The following TRPV6 variants were observed in gnomAD, a reference collection of about 807,000 sequenced individuals.
TRPV6 encodes Alu-binding protein with zinc finger domain.
A neutral mutation model predicts 79.0 loss-of-function variants in TRPV6; 39 were observed. The observed-to-expected ratio is 0.49, with a 90% confidence interval of 0.38 to 0.64. The LOEUF is 0.64. TRPV6 is among the 30% of genes least tolerant of loss of function. The pLI is 0.00. For missense variants in TRPV6, 813 were observed against 1,011.1 expected (o/e 0.80, Z 2.66); for synonymous variants, 373 against 391.9 (o/e 0.95, Z 0.57).
rs889817832 is a variant in TRPV6 at position 142,874,614 on chromosome 7, C to T, written c.1449G>A (p.Arg483=). The change falls in exon 11 of 15, where the codon CGG becomes CGA. Residue 483 remains arginine, a synonymous_variant. Transcript: ENST00000359396. ...CCACCTCCCCGCTGGCACTGATGAG[C>T]CGCATCACCATGGTCACCAGCACCA... 4 of 1,614,114 alleles carry T rather than the reference C, an allele frequency of 2.5e-6. No individual in the cohort carries two copies. The highest frequency in any genetic ancestry group is 1.6e-4 in the Middle Eastern group (1 of 6,062).
At chr7:142,882,969 C>T (rs1456055602) in intron 1 of TRPV6, 2 of 152,300 alleles carry the variant, frequency 1.3e-5, no homozygotes, top group East Asian at 3.9e-4. Context: ...GAAATCAGAT[C>T]TCACACTTCC....
intron 4 of TRPV6, 86 bp from the exon 5 acceptor site, chr7:142,876,923 C>T (rs1795087819): frequency 5.2e-6 from 8 of 1,544,344 alleles, no homozygotes; most frequent in South Asian, 4.7e-5. Flanking sequence ...GCCTTATCTT[C>T]CCCCACATCT....
In TRPV6 at chr7:142,875,671, T is replaced by C. The variant is rs1795048501; in HGVS notation, c.1039A>G (p.Ile347Val). The change falls in exon 8 of 15, where the codon ATC becomes GTC. Residue 347 changes from isoleucine to valine, a missense_variant. By Grantham distance (29) the Ile-to-Val change is conservative. This residue lies in a region of TRPV6 where 555 missense variants were observed against 631.0 expected (regional missense o/e 0.88). Coordinates refer to ENST00000359396, the MANE Select transcript of TRPV6 (RefSeq NM_018646.6). ...TCCTTCACCGGCGTCTGGTCCAGGA[T>C]CTGGCGAGCCTGCAACAGAAAGAGA... 9 of 1,611,908 alleles carry C rather than the reference T, an allele frequency of 5.6e-6. No individual in the cohort carries two copies. Among genetic ancestry groups the C allele is most frequent in the Non-Finnish European group, 7.6e-6 (9 of 1,179,148 alleles).
intron 3 of TRPV6, 121 bp from the exon 4 acceptor site, chr7:142,877,400 C>T (rs937891587): frequency 7.3e-6 from 11 of 1,516,834 alleles, no homozygotes; most frequent in South Asian, 3.9e-5. Context: ...AGGGAGCTCT[C>T]GGGTGTTCAG....
intron 3 of TRPV6, 152 bp from the exon 4 acceptor site, chr7:142,877,431 G>T: frequency 2.0e-6 from 3 of 1,470,016 alleles, no homozygotes; most frequent in Non-Finnish European, 2.7e-6. Flanking sequence ...GGATCCAGCT[G>T]CTGCCCATCT....
intron 6 of TRPV6, 99 bp from the exon 7 acceptor site, chr7:142,876,003 G>C: frequency 7.3e-7 from 1 of 1,366,076 alleles, no homozygotes; most frequent in Non-Finnish European, 9.9e-7. Context: ...CCCTGGAGAA[G>C]GTGGCTGCCC....
Position 142,885,381 on chromosome 7 carries a change from G to A in TRPV6, c.248+8C>T, listed in dbSNP as rs375294723. The A allele has an allele frequency of 2.2e-5, 36 of 1,609,982 alleles. No individual in the cohort carries two copies. The African/African-American group carries it at 4.8e-4, about 21-fold the overall frequency. On this transcript the variant is annotated splice_region_variant and intron_variant, in intron 1 of 14. Coordinates refer to ENST00000359396, the MANE Select transcript of TRPV6 (RefSeq NM_018646.6). ...GGTGGGGAAGGGAGCAGACCAAGGG[G>A]GCCTTACCTCTTCTGCTGCAGCAGG...
chr7:142,872,311 G>C, intron 14 of TRPV6, 61 bp downstream of exon 14: 2 of 1,561,230 alleles, frequency 1.3e-6, no homozygotes, highest in Non-Finnish European at 1.8e-6. Flanking sequence ...AGCTGTCTGA[G>C]CAGGGGGATA....
At chr7:142,875,293 C>T (rs1795034759) in intron 8 of TRPV6, 129 bp from the exon 9 acceptor site, 2 of 1,293,100 alleles carry the variant, frequency 1.5e-6, no homozygotes, top group Admixed American at 3.9e-5. Flanking sequence ...TTCTCAAACT[C>T]TGCTCTCAGA....
At position 142,875,089 on chromosome 7, in the gene TRPV6, GGAT is replaced by G; in HGVS notation, c.1315_1317del (p.Ile439del). 6.2e-7 allele frequency: 1 copy of G among 1,614,142 alleles called. No individual in the cohort carries two copies. Among genetic ancestry groups the G allele is most frequent in the Non-Finnish European group, 8.5e-7 (1 of 1,180,026 alleles). The stretch of plus-strand genomic sequence containing the variant: ...CATCCACACCTCACCTCTACCAGCA[GGAT>G]GATGATAGCCCCAATGACAGTCACC... On this transcript the variant is annotated inframe_deletion, in exon 9 of 15. Coordinates refer to ENST00000359396, the MANE Select transcript of TRPV6 (RefSeq NM_018646.6).
At chr7:142,872,546 G>T in intron 13 of TRPV6, 68 bp from the exon 14 acceptor site, 1 of 1,495,106 alleles carries the variant, frequency 6.7e-7, no homozygotes, top group Non-Finnish European at 9.1e-7. Flanking sequence ...GGGTAGGGCA[G>T]CCTTTGTTGA....
intron 11 of TRPV6, 138 bp downstream of exon 11, chr7:142,874,353 T>C: frequency 6.9e-6 from 9 of 1,301,786 alleles, no homozygotes; most frequent in Non-Finnish European, 9.8e-6. Context: ...AAAGGATTGT[T>C]AAAAAAGAAG....
At position 142,875,141 on chromosome 7, in the gene TRPV6, G is replaced by A. The variant is rs777705830; in HGVS notation, c.1266C>T (p.Asp422=). Residue 422 remains aspartate, a synonymous_variant, in exon 9 of 15, where the codon GAC becomes GAT. Transcript: ENST00000359396. ...CCAGCTCCCCGACCAGCCGGATATC[G>A]TCCTTAGGGGTCATGTAGGCTTCCT... The A allele has an allele frequency of 2.8e-5, 45 of 1,614,038 alleles. No homozygotes were observed. The highest frequency in any genetic ancestry group is 3.0e-5 in the Non-Finnish European group (35 of 1,180,002).
At chr7:142,878,105 T>G in intron 1 of TRPV6, 79 bp from the exon 2 acceptor site, 1 of 1,190,802 alleles carries the variant, frequency 8.4e-7, no homozygotes, top group Non-Finnish European at 1.2e-6. Flanking sequence ...CTTGACTCCA[T>G]TATTATACAC....
chr7:142,881,058 C>T (rs889163558), intron 1 of TRPV6: 4 of 152,104 alleles, frequency 2.6e-5, no homozygotes, highest in Non-Finnish European at 5.9e-5. Flanking sequence ...GGTATCCGGC[C>T]CAGCCATTAC....
rs961057532 is a variant in TRPV6 at position 142,875,492 on chromosome 7, G to C, written c.1218C>G (p.Thr406=). The C allele has an allele frequency of 1.9e-6, 3 of 1,593,674 alleles. No individual in the cohort carries two copies. Among genetic ancestry groups the C allele is most frequent in the Non-Finnish European group, 2.6e-6 (3 of 1,171,356 alleles). Residue 406 remains threonine, a synonymous_variant, in exon 8 of 15, where the codon ACC becomes ACG. Transcript: ENST00000359396. ...CCTGAAGTAGCTTCTGCTGTAAGAGGGTGTTGTCCCGGGGGCTCGTGCGGT... is the reference window on the plus strand; with the variant it reads ...CCTGAAGTAGCTTCTGCTGTAAGAGCGTGTTGTCCCGGGGGCTCGTGCGGT...
chr7:142,880,272 G>C (rs1049765709), intron 1 of TRPV6: 1 of 152,160 alleles, frequency 6.6e-6, no homozygotes, highest in Non-Finnish European at 1.5e-5. Flanking sequence ...AGACTGAGGG[G>C]AAAACAATCG....
rs1308704755 is a variant in TRPV6 at position 142,873,776 on chromosome 7, C to T, written c.1640-60G>A. The T allele has an allele frequency of 6.3e-6, 10 of 1,597,478 alleles. No homozygotes were observed. The highest frequency in any genetic ancestry group is 1.7e-5 in the Admixed American group (1 of 59,642). ...AACCATGCAGACGACCAGCCCACCC[C>T]GGGCTCTGCGTGCATGTCCATCCTG... On this transcript the variant is annotated intron_variant, in intron 12 of 14. Transcript: ENST00000359396. The surrounding 1 kb of genome is among the most constrained non-coding windows in gnomAD (Gnocchi z 4.8).
chr7:142,882,786 T>G (rs1250253957), intron 1 of TRPV6: 2 of 152,166 alleles, frequency 1.3e-5, no homozygotes. Flanking sequence ...GGATGACTTT[T>G]CAGACACTCA....
Sources: gnomAD v4.1 joint callset for allele counts on GRCh38, gnomAD v4.1.1 for gene constraint, gnomAD v4.1.1 regional missense constraint, Gnocchi (gnomAD v3.1) non-coding constraint, MANE v1.5 for transcripts, NCBI Gene and HGNC (gene_info 2026-07-23, HGNC 2026-07-21) for gene names.